The following MITF variants were observed in gnomAD, a reference collection of about 807,000 sequenced individuals.
MITF encodes melanocyte inducing transcription factor.
MITF carries 17 observed loss-of-function variants against 60.5 expected under a neutral mutation model. The ratio of observed to expected loss-of-function variants is 0.28; its 90% CI spans 0.19 to 0.42. The LOEUF is 0.42. Among genes scored for constraint, MITF ranks in the 10% least tolerant of loss-of-function variants. The pLI, the probability that MITF is intolerant of heterozygous loss-of-function variation, is 1.00. For missense variants in MITF, 622 were observed against 683.5 expected (o/e 0.91, Z 1.00); for synonymous variants, 260 against 248.5 (o/e 1.05, Z -0.43).
At chr3:69,808,079 A>G (rs916813656) in intron 1 of MITF, among the ~76,000 whole-genome samples, 1 of 148,466 alleles carries the variant, frequency 6.7e-6, no homozygotes, top group Non-Finnish European at 1.5e-5. Flanking sequence ...GTATGTATTT[A>G]TATATACAGA....
chr3:69,766,415 T>A (rs1575682009), intron 1 of MITF, among the ~76,000 whole-genome samples: 1 of 133,196 alleles, frequency 7.5e-6, no homozygotes, highest in Non-Finnish European at 1.6e-5. Flanking sequence ...TTAGTAGAGA[T>A]GGGGTTTCAC....
At chr3:69,888,742 C>A (rs568921579) in intron 2 of MITF, among the ~76,000 whole-genome samples, 1 of 152,092 alleles carries the variant, frequency 6.6e-6, no homozygotes, top group Non-Finnish European at 1.5e-5. Context: ...GATGGAAATG[C>A]GCCCTCTTGT....
chr3:69,956,379 C>T, intron 7 of MITF, 76 bp from the exon 8 acceptor site: 1 of 1,160,360 alleles, frequency 8.6e-7, no homozygotes, highest in Non-Finnish European at 1.3e-6. Context: ...TTAATATGCA[C>T]ATGCCTTTAA....
intron 2 of MITF, among the ~76,000 whole-genome samples, chr3:69,884,183 A>G (rs1020906978): frequency 6.6e-6 from 1 of 152,194 alleles, no homozygotes; most frequent in Non-Finnish European, 1.5e-5. Context: ...ATAGTTCAAT[A>G]TGAATCTCAC....
chr3:69,956,674 CCTTT>C (rs1234400078), intron 8 of MITF, 144 bp downstream of exon 8: 4 of 719,648 alleles, frequency 5.6e-6, no homozygotes, highest in Admixed American at 4.3e-5. Flanking sequence ...TCTTCTTACA[CCTTT>C]CTTTTGGTTA....
At chr3:69,847,343 A>G (rs1359276643) in intron 1 of MITF, among the ~76,000 whole-genome samples, 1 of 152,212 alleles carries the variant, frequency 6.6e-6, no homozygotes, top group African/African-American at 2.4e-5. Context: ...GACATCATAC[A>G]TTCTGCCTGT....
chr3:69,964,531 G>A (rs1415075299), intron 9 of MITF, among the ~76,000 whole-genome samples: 1 of 133,584 alleles, frequency 7.5e-6, no homozygotes, highest in South Asian at 2.5e-4. Context: ...GACAGTTTTT[G>A]GTTCACAGTA....
chr3:69,854,304 T>C (rs1465478257), intron 1 of MITF, among the ~76,000 whole-genome samples: 2 of 152,230 alleles, frequency 1.3e-5, no homozygotes, highest in East Asian at 3.9e-4. Flanking sequence ...CAGTTGTCCT[T>C]GGTATCCTTG....
intron 8 of MITF, 59 bp downstream of exon 8, chr3:69,956,589 A>G: frequency 2.9e-6 from 4 of 1,397,012 alleles, no homozygotes; most frequent in South Asian, 1.2e-5. Context: ...ATGTTTTTTC[A>G]TACGTTGTAA....
intron 1 of MITF, among the ~76,000 whole-genome samples, chr3:69,827,280 G>A (rs1470354011): frequency 1.3e-5 from 2 of 152,166 alleles, no homozygotes; most frequent in Non-Finnish European, 2.9e-5. Flanking sequence ...ATGTGGATGT[G>A]CAGTGAGACA....
chr3:69,795,193 G>A, intron 1 of MITF, among the ~76,000 whole-genome samples: 1 of 152,056 alleles, frequency 6.6e-6, no homozygotes, highest in South Asian at 2.1e-4. Context: ...GTTGTAAATA[G>A]ATTTTCTTTT....
intron 2 of MITF, among the ~76,000 whole-genome samples, chr3:69,922,247 G>T (rs995371831): frequency 3.3e-5 from 5 of 151,828 alleles, no homozygotes; most frequent in African/African-American, 4.8e-5. Context: ...TTTTCAGACG[G>T]AGTCTCACTC....
chr3:69,784,727 G>T (rs980129518), intron 1 of MITF, among the ~76,000 whole-genome samples: 1 of 152,142 alleles, frequency 6.6e-6, no homozygotes, highest in Non-Finnish European at 1.5e-5. Context: ...ACTTTTCCAG[G>T]TGACTTGGAT....
intron 1 of MITF, among the ~76,000 whole-genome samples, chr3:69,812,968 G>A (rs2107006645): frequency 1.3e-5 from 2 of 152,210 alleles, no homozygotes; most frequent in East Asian, 1.9e-4. Context: ...ATGTGTAAGT[G>A]GCTCTGAGAA....
chr3:69,822,382 G>A (rs1219666880), intron 1 of MITF, among the ~76,000 whole-genome samples: 3 of 152,134 alleles, frequency 2.0e-5, no homozygotes, highest in Non-Finnish European at 4.4e-5. Context: ...TATTAGATAT[G>A]TAATCAGATA....
At chr3:69,792,574 C>T (rs1250325554) in intron 1 of MITF, among the ~76,000 whole-genome samples, 5 of 152,128 alleles carry the variant, frequency 3.3e-5, no homozygotes, top group African/African-American at 9.7e-5. Flanking sequence ...TTTATATCAA[C>T]AATCCTTCCC....
chr3:69,898,709 A>T (rs1035766004), intron 2 of MITF, among the ~76,000 whole-genome samples: 7 of 152,170 alleles, frequency 4.6e-5, no homozygotes, highest in African/African-American at 1.7e-4. Flanking sequence ...AGGTTATGGC[A>T]TGCATGTCTA....
At chr3:69,840,481 G>A (rs1346805977) in intron 1 of MITF, among the ~76,000 whole-genome samples, 3 of 151,788 alleles carry the variant, frequency 2.0e-5, no homozygotes, top group Non-Finnish European at 4.4e-5. Flanking sequence ...AATAAAATGT[G>A]ATGGAGATTG....
At chr3:69,916,193 G>T (rs963688577) in intron 2 of MITF, among the ~76,000 whole-genome samples, 1 of 151,860 alleles carries the variant, frequency 6.6e-6, no homozygotes, top group African/African-American at 2.4e-5. Flanking sequence ...TTTATTTTCA[G>T]TGTCTTTTTT....
Sources: allele counts gnomAD v4.1 joint callset (sites outside exome capture counted in the v4.1 genomes callset), GRCh38; gene constraint gnomAD v4.1.1; transcripts MANE v1.5; gene names NCBI Gene and HGNC (gene_info 2026-07-23, HGNC 2026-07-21).